ME1: variants seen among roughly 807,000 people sequenced by gnomAD.
ME1 encodes the protein NADP-dependent malic enzyme.
ME1 carries 74 observed loss-of-function variants against 66.4 expected under a neutral mutation model. The observed-to-expected ratio is 1.11, with a 90% CI of 0.92 to 1.35. The LOEUF is 1.35. Among genes scored for constraint, ME1 ranks in the 40% most tolerant of loss-of-function variants. The pLI is 0.00. For synonymous variants in ME1, 251 were observed against 235.6 expected (o/e 1.07, Z -0.60); for missense variants, 750 against 694.1 (o/e 1.08, Z -0.90).
chr6:83,407,914 A>AAC lies in ME1; in HGVS notation c.79-15_79-14dup, dbSNP rs747274917. The AAC allele has an allele frequency of 1.5e-4, 239 of 1,576,488 alleles. No homozygotes were observed. The highest frequency in any genetic ancestry group is 8.2e-4 in the South Asian group (70 of 85,372). ...TAAAGGCCAAGTCCTATAGAGAAAAAACACACACACACACACAACAGTATT... is the reference window on the plus strand; with the variant it reads ...TAAAGGCCAAGTCCTATAGAGAAAAAACACACACACACACACACAACAGTATT... On this transcript the variant is annotated splice_polypyrimidine_tract_variant and intron_variant, in intron 1 of 13. Coordinates refer to ENST00000369705, the MANE Select transcript of ME1 (RefSeq NM_002395.6).
In ME1 at chr6:83,360,213, C is replaced by T. The variant is rs576535824; in HGVS notation, c.363-8074G>A. Among the ~76,000 whole-genome samples, 7 of 152,302 alleles carry T rather than the reference C, an allele frequency of 4.6e-5. No homozygotes were observed. In the East Asian group the frequency reaches 1.3e-3, roughly 29 times the overall value. On this transcript the variant is annotated intron_variant, in intron 3 of 13. Transcript: ENST00000369705. ...ATCCCCTGGAGGAAGGACCCCAGTACATTACCGACAATTTATGCAGTGAAT... is the reference window on the plus strand; with the variant it reads ...ATCCCCTGGAGGAAGGACCCCAGTATATTACCGACAATTTATGCAGTGAAT...
At chr6:83,259,933 T>C (rs1766854419) in intron 6 of ME1, among the ~76,000 whole-genome samples, 1 of 152,176 alleles carries the variant, frequency 6.6e-6, no homozygotes, top group African/African-American at 2.4e-5. Context: ...TCTTAAGGAA[T>C]TGACAATCAT....
intron 6 of ME1, among the ~76,000 whole-genome samples, chr6:83,260,660 A>G (rs899083451): frequency 6.6e-6 from 1 of 152,170 alleles, no homozygotes; most frequent in African/African-American, 2.4e-5. Context: ...AAGTGTTCTC[A>G]TCATTTTAAC....
chr6:83,216,546 A>T lies in ME1; in HGVS notation c.1500T>A (p.Tyr500Ter), dbSNP rs775998450. ...SDKHLEEGRL[Y>*]PPLNTIRDVS... is the part of the protein sequence containing the mutation. ...CATCTCTAATGGTATTCAAAGGAGG[A>T]TAAAGCCGACCCTCTTCCAAGTGTT... Residue 500 changes from tyrosine (Y) to a stop codon, truncating the protein, a stop_gained, in exon 13 of 14, where the codon TAT becomes TAA. Transcript: ENST00000369705. LOFTEE classifies it high-confidence loss of function. 6.2e-7 allele frequency: 1 copy of T among 1,612,052 alleles called. No homozygotes were observed. The highest frequency in any genetic ancestry group is 2.2e-5 in the East Asian group (1 of 44,836).
Position 83,220,916 on chromosome 6 carries a change from T to C in ME1, c.1449+2844A>G, listed in dbSNP as rs113962541. Reference sequence around the variant, plus strand: ...TGGCTCATGCCTATAATCCCAGCACTTTGGGAGGCCGAGTCAGGCTGATCA... The same window carrying C: ...TGGCTCATGCCTATAATCCCAGCACCTTGGGAGGCCGAGTCAGGCTGATCA... On this transcript the variant is annotated intron_variant, in intron 12 of 13. Coordinates refer to ENST00000369705, the MANE Select transcript of ME1 (RefSeq NM_002395.6). Among the ~76,000 whole-genome samples the C allele has an allele frequency of 2.8e-3, 424 of 152,298 alleles. 2 individuals are homozygous for C. Among genetic ancestry groups the C allele is most frequent in the Non-Finnish European group, 3.0e-3 (201 of 68,024 alleles).
chr6:83,239,561 A>G lies in ME1; in HGVS notation c.890T>C (p.Ile297Thr). ...TACCTCTCCAGCTCCTTGGAATAGT[A>G]TTGTTTGATCAGACAGTTTGTTCTT... ...ITKNKLSDQT[I>T]LFQGAGEAAL... Residue 297 changes from isoleucine (I) to threonine (T), a missense_variant, in exon 8 of 14, where the codon ATA becomes ACA. Transcript: ENST00000369705. The G allele has an allele frequency of 6.2e-7, 1 of 1,612,914 alleles. No individual in the cohort carries two copies. The highest frequency in any genetic ancestry group is 2.2e-5 in the East Asian group (1 of 44,858).
At chr6:83,230,384 GAATT>G (rs897677877) in intron 9 of ME1, among the ~76,000 whole-genome samples, 1 of 151,850 alleles carries the variant, frequency 6.6e-6, no homozygotes, top group Admixed American at 6.6e-5. Flanking sequence ...GCAATATACT[GAATT>G]ATTAAAAAAT....
intron 3 of ME1, among the ~76,000 whole-genome samples, chr6:83,354,214 C>T (rs533188124): frequency 3.9e-4 from 60 of 152,292 alleles, no homozygotes; most frequent in African/African-American, 1.2e-3. Flanking sequence ...GCATCCCCTG[C>T]CTCCTGGGTT....
chr6:83,236,035 T>A (rs1790396135), intron 9 of ME1, among the ~76,000 whole-genome samples: 1 of 152,092 alleles, frequency 6.6e-6, no homozygotes, highest in African/African-American at 2.4e-5. Context: ...CATATACAAC[T>A]GTATTTTAAA....
At chr6:83,356,712 C>A (rs1293747003) in intron 3 of ME1, among the ~76,000 whole-genome samples, 1 of 151,684 alleles carries the variant, frequency 6.6e-6, no homozygotes, top group Non-Finnish European at 1.5e-5. Context: ...GCAGTAAATT[C>A]TTTGAATTCT....
chr6:83,340,362 A>C (rs919726660), intron 5 of ME1, among the ~76,000 whole-genome samples: 2 of 152,140 alleles, frequency 1.3e-5, no homozygotes, highest in Non-Finnish European at 2.9e-5. Context: ...CTAATATATC[A>C]CCATTAATTA....
intron 6 of ME1, among the ~76,000 whole-genome samples, chr6:83,286,366 G>C (rs1156952380): frequency 6.6e-6 from 1 of 151,886 alleles, no homozygotes; most frequent in Non-Finnish European, 1.5e-5. Context: ...AGATCAGGTG[G>C]GTATTTTGAT....
intron 3 of ME1, among the ~76,000 whole-genome samples, chr6:83,381,935 A>G (rs943985507): frequency 2.0e-5 from 3 of 152,080 alleles, no homozygotes; most frequent in Non-Finnish European, 4.4e-5. Flanking sequence ...CACACCCTGC[A>G]TGAGACTGCT....
At chr6:83,427,606 T>A (rs776497910) in intron 1 of ME1, among the ~76,000 whole-genome samples, 1 of 152,084 alleles carries the variant, frequency 6.6e-6, no homozygotes, top group Non-Finnish European at 1.5e-5. Flanking sequence ...AAGACAAAAA[T>A]AAAGACATGG....
intron 4 of ME1, among the ~76,000 whole-genome samples, chr6:83,350,433 G>C (rs1239240922): frequency 6.6e-6 from 1 of 152,114 alleles, no homozygotes; most frequent in East Asian, 1.9e-4. Context: ...CTCTACTGCA[G>C]AACTATTTCC....
chr6:83,249,475 T>C (rs1469029119), intron 7 of ME1, among the ~76,000 whole-genome samples: 1 of 152,140 alleles, frequency 6.6e-6, no homozygotes, highest in Non-Finnish European at 1.5e-5. Context: ...TCCGCCCGCC[T>C]TGGCCTCCCA....
chr6:83,389,203 T>C (rs1401099875), intron 3 of ME1, among the ~76,000 whole-genome samples: 1 of 152,212 alleles, frequency 6.6e-6, no homozygotes, highest in Admixed American at 6.6e-5. Context: ...CTATTATTTA[T>C]GAGAATTTGC....
chr6:83,367,900 C>T (rs780814666), intron 3 of ME1, among the ~76,000 whole-genome samples: 11 of 152,156 alleles, frequency 7.2e-5, no homozygotes, highest in Non-Finnish European at 1.3e-4. Context: ...CAGTTTGGCA[C>T]AAGAGGCCTA....
chr6:83,213,825 T>C (rs1183660919), intron 13 of ME1, among the ~76,000 whole-genome samples: 3 of 151,966 alleles, frequency 2.0e-5, no homozygotes, highest in East Asian at 3.9e-4. Context: ...GAAATGTCTA[T>C]GAAAAAGCAG....
Sources: gnomAD v4.1 joint callset for allele counts (sites outside exome capture counted in the v4.1 genomes callset) on GRCh38, gnomAD v4.1.1 for gene constraint, MANE v1.5 for transcripts, NCBI Gene and HGNC (gene_info 2026-07-23, HGNC 2026-07-21) for gene names.